The following GRIK2 variants were observed in gnomAD, a reference collection of about 807,000 sequenced individuals.
GRIK2 encodes glutamate ionotropic receptor kainate type subunit 2.
In GRIK2, 32 loss-of-function variants were observed where a neutral mutation model predicts 100.3. That is an observed-to-expected ratio of 0.32 (90% confidence interval 0.24 to 0.43). The LOEUF (loss-of-function observed/expected upper bound fraction) is 0.43, where lower values mean the gene tolerates loss of function less well. GRIK2 is among the 20% of genes least tolerant of loss of function. GRIK2 has a pLI of 1.00. For missense variants in GRIK2, 843 were observed against 1,114.9 expected (o/e 0.76, Z 3.47); for synonymous variants, 417 against 389.4 (o/e 1.07, Z -0.83).
intron 2 of GRIK2, among the ~76,000 whole-genome samples, chr6:101,526,628 T>A (rs1265169243): frequency 1.3e-5 from 2 of 152,114 alleles, no homozygotes; most frequent in African/African-American, 2.4e-5. Flanking sequence ...GGTGATGCTA[T>A]AAGGAAGGGT....
intron 4 of GRIK2, among the ~76,000 whole-genome samples, chr6:101,640,603 G>T (rs1269053107): frequency 6.6e-6 from 1 of 152,102 alleles, no homozygotes; most frequent in Non-Finnish European, 1.5e-5. Context: ...GAAGGGGGAT[G>T]ATTTTTACTA....
At chr6:101,758,228 A>T (rs560891912) in intron 7 of GRIK2, among the ~76,000 whole-genome samples, 50 of 152,318 alleles carry the variant, frequency 3.3e-4, no homozygotes, top group African/African-American at 1.1e-3. Flanking sequence ...GCCTTAAAAT[A>T]AATTAAAAAT....
intron 2 of GRIK2, among the ~76,000 whole-genome samples, chr6:101,509,042 C>T (rs1774166480): frequency 6.6e-6 from 1 of 151,346 alleles, no homozygotes; most frequent in South Asian, 2.1e-4. Flanking sequence ...CCTGTAGTCA[C>T]AGCTACTCGG....
In GRIK2 at chr6:101,909,375, TCTTTTTC is replaced by T. The variant is rs1255083344; in HGVS notation, c.1749-15225_1749-15219del. Among the ~76,000 whole-genome samples the T allele has an allele frequency of 5.4e-4, 64 of 117,920 alleles. 5 individuals carry two copies. Among genetic ancestry groups the T allele is most frequent in the Middle Eastern group, 4.1e-3 (1 of 244 alleles). 77.4% of individuals were successfully genotyped at this position (117,920 alleles called of 152,430 possible). A position where few individuals can be genotyped will look rare whatever the true frequency, so the allele number is the denominator to read the frequency against. Reference sequence around the variant, plus strand: ...TGGATGCTGAAGGAAGATAGGGTTTTCTTTTTCTTTTTTTTTTTTTTAAAGATCATTT... The same window carrying T: ...TGGATGCTGAAGGAAGATAGGGTTTTTTTTTTTTTTTTTTAAAGATCATTT... On this transcript the variant is annotated intron_variant, in intron 12 of 16. Coordinates refer to ENST00000369134, the MANE Select transcript of GRIK2 (RefSeq NM_021956.5).
chr6:101,580,818 C>T (rs2128302776), intron 2 of GRIK2, among the ~76,000 whole-genome samples: 1 of 152,174 alleles, frequency 6.6e-6, no homozygotes, highest in South Asian at 2.1e-4. Context: ...GAATGCACTT[C>T]CTTCAGTTAT....
rs71797313 is a variant in GRIK2 at position 101,565,915 on chromosome 6, T to TTATATATA, written c.116-56024_116-56017dup. On this transcript the variant is annotated intron_variant, in intron 2 of 16. Coordinates refer to ENST00000369134, the MANE Select transcript of GRIK2 (RefSeq NM_021956.5). Reference sequence around the variant, plus strand: ...CAATCTTTATCTTTATATACCTATTTTATATATATATATATATGTGTATAT... The same window carrying TTATATATA: ...CAATCTTTATCTTTATATACCTATTTTATATATATATATATATATATATATGTGTATAT... 3.6e-3 allele frequency among the ~76,000 whole-genome samples: 443 copies of TTATATATA among 123,046 alleles called. 8 individuals carry two copies. The highest frequency in any genetic ancestry group is 8.6e-3 in the African/African-American group (244 of 28,524). The allele number at this position is 123,046 out of a possible 152,430, so 80.7% of individuals were successfully genotyped here.
rs183560687 is a variant in GRIK2 at position 101,887,220 on chromosome 6, G to T, written c.1525-2420G>T. 1.5e-3 allele frequency among the ~76,000 whole-genome samples: 233 copies of T among 152,170 alleles called. 1 individual carries two copies. The highest frequency in any genetic ancestry group is 5.5e-3 in the African/African-American group (227 of 41,518). On this transcript the variant is annotated intron_variant, in intron 11 of 16. Coordinates refer to ENST00000369134, the MANE Select transcript of GRIK2 (RefSeq NM_021956.5). ...TTCACCATAAAAATGATAACTATGT[G>T]AGGTAATGCATATGTTAATTAGCTA... is the stretch of plus-strand genomic sequence containing the variant.
At chr6:101,409,600 T>A (rs1358935225) in intron 2 of GRIK2, among the ~76,000 whole-genome samples, 1 of 152,104 alleles carries the variant, frequency 6.6e-6, no homozygotes. Context: ...GTTTGGGTCA[T>A]GAATTTTACT....
intron 11 of GRIK2, among the ~76,000 whole-genome samples, chr6:101,889,152 A>G (rs1786865243): frequency 6.6e-6 from 1 of 152,076 alleles, no homozygotes; most frequent in Admixed American, 6.6e-5. Flanking sequence ...TAAAGACTAA[A>G]ATCTTTTAAC....
intron 14 of GRIK2, among the ~76,000 whole-genome samples, chr6:101,964,874 C>G (rs1045087657): frequency 1.3e-5 from 2 of 152,098 alleles, no homozygotes; most frequent in Non-Finnish European, 2.9e-5. Context: ...AATGTAGAGT[C>G]AGGCATAGAG....
At chr6:101,693,931 G>T (rs1772291349) in intron 7 of GRIK2, among the ~76,000 whole-genome samples, 1 of 151,928 alleles carries the variant, frequency 6.6e-6, no homozygotes, top group African/African-American at 2.4e-5. Context: ...ACGTGGATAT[G>T]ACGAATCACC....
intron 14 of GRIK2, among the ~76,000 whole-genome samples, chr6:102,024,579 C>T (rs776125981): frequency 3.3e-5 from 5 of 151,104 alleles, no homozygotes; most frequent in East Asian, 2.0e-4. Flanking sequence ...TTTGTACCTT[C>T]GCTTCCTTTC....
chr6:101,848,548 A>G (rs953229728), intron 10 of GRIK2, among the ~76,000 whole-genome samples: 14 of 152,164 alleles, frequency 9.2e-5, no homozygotes, highest in Non-Finnish European at 1.3e-4. Context: ...CAAAATATTT[A>G]TATTTTAACA....
At chr6:101,958,776 G>A (rs2128481619) in intron 14 of GRIK2, among the ~76,000 whole-genome samples, 1 of 152,042 alleles carries the variant, frequency 6.6e-6, no homozygotes, top group East Asian at 1.9e-4. Flanking sequence ...TGAATCTATT[G>A]AGATGAGCAT....
chr6:101,637,735 A>C (rs1176319289), intron 4 of GRIK2, among the ~76,000 whole-genome samples: 1 of 152,142 alleles, frequency 6.6e-6, no homozygotes, highest in Non-Finnish European at 1.5e-5. Context: ...TACAGTGTCC[A>C]TCATTGACAC....
chr6:101,472,944 G>A (rs1257555399), intron 2 of GRIK2, among the ~76,000 whole-genome samples: 3 of 151,718 alleles, frequency 2.0e-5, no homozygotes, highest in Non-Finnish European at 4.4e-5. Context: ...AACTAAGGTC[G>A]AGACTATTTC....
At chr6:101,771,639 T>C (rs1020841128) in intron 7 of GRIK2, among the ~76,000 whole-genome samples, 3 of 151,440 alleles carry the variant, frequency 2.0e-5, no homozygotes, top group Admixed American at 6.6e-5. Context: ...TCCATTAACT[T>C]GTCATTTACA....
chr6:101,605,500 T>G (rs1164364756), intron 2 of GRIK2, among the ~76,000 whole-genome samples: 3 of 151,970 alleles, frequency 2.0e-5, no homozygotes, highest in African/African-American at 7.2e-5. Flanking sequence ...ATTATATCTA[T>G]CCATATTAAC....
chr6:101,802,483 T>G (rs1780737088), intron 9 of GRIK2, 45 bp downstream of exon 9: 4 of 778,296 alleles, frequency 5.1e-6, no homozygotes, highest in Non-Finnish European at 8.4e-6. Context: ...ATGAAACATA[T>G]CTCAAAGAAG....
Sources: gnomAD v4.1 joint callset for allele counts (sites outside exome capture counted in the v4.1 genomes callset) on GRCh38, gnomAD v4.1.1 for gene constraint, MANE v1.5 for transcripts, NCBI Gene and HGNC (gene_info 2026-07-23, HGNC 2026-07-21) for gene names.